Variants in SPATS2L observed in about 807,000 individuals in gnomAD.
SPATS2L encodes the protein SPATS2-like protein.
SPATS2L carries 30 observed loss-of-function variants against 59.6 expected under a neutral mutation model. That is an observed-to-expected ratio of 0.50 (90% CI 0.38 to 0.68). The LOEUF (loss-of-function observed/expected upper bound fraction) is 0.68, where lower values mean the gene tolerates loss of function less well. Among genes scored for constraint, SPATS2L ranks in the 30% least tolerant of loss-of-function variants. SPATS2L has a pLI of 0.00. For missense variants in SPATS2L, 615 were observed against 700.0 expected (o/e 0.88, Z 1.37); for synonymous variants, 252 against 263.5 (o/e 0.96, Z 0.42).
rs142412771 is a variant in SPATS2L, at chr2:200,377,422, A to G, written c.-22-11801A>G. Among the ~76,000 whole-genome samples, 536 of 152,358 alleles carry G rather than the reference A, an allele frequency of 3.5e-3. 1 individual carries two copies. The highest frequency in any genetic ancestry group is 0.024 in the Middle Eastern group (7 of 294). The stretch of plus-strand genomic sequence containing the variant: ...CTGGTGGTAGCAGCTTTCTAGGCCA[A>G]CTGCTTGTGTGTGGTCAGCTAGATG... On this transcript the variant is annotated intron_variant, in intron 2 of 12. Transcript: ENST00000409140.
At chr2:200,420,908 A>G (rs1425792857) in intron 6 of SPATS2L, among the ~76,000 whole-genome samples, 3 of 152,036 alleles carry the variant, frequency 2.0e-5, no homozygotes, top group African/African-American at 7.2e-5. Flanking sequence ...CACACACACA[A>G]TCATTTTGCT....
chr2:200,387,879 C>G (rs1045445337), intron 2 of SPATS2L, among the ~76,000 whole-genome samples: 1 of 152,108 alleles, frequency 6.6e-6, no homozygotes, highest in South Asian at 2.1e-4. Flanking sequence ...CTATTAAAGT[C>G]TTAAGATCTG....
chr2:200,468,524 C>T (rs950422440), intron 10 of SPATS2L, among the ~76,000 whole-genome samples: 1 of 152,206 alleles, frequency 6.6e-6, no homozygotes, highest in African/African-American at 2.4e-5. Flanking sequence ...AACTCCCTCC[C>T]TCCTGGTTGG....
chr2:200,444,884 C>CT (rs201145724), intron 8 of SPATS2L, among the ~76,000 whole-genome samples: 2,527 of 151,188 alleles, frequency 0.017, 67 homozygotes, highest in African/African-American at 0.058. Context: ...TCCCTTTTCT[C>CT]TTTTTTTTTA....
At chr2:200,347,707 G>A (rs1307898754) in intron 2 of SPATS2L, among the ~76,000 whole-genome samples, 2 of 152,142 alleles carry the variant, frequency 1.3e-5, no homozygotes, top group African/African-American at 2.4e-5. Context: ...GATACTGAAT[G>A]ATCATACTAC....
At chr2:200,373,879 A>G (rs570403193) in intron 2 of SPATS2L, among the ~76,000 whole-genome samples, 62 of 152,348 alleles carry the variant, frequency 4.1e-4, no homozygotes, top group African/African-American at 1.4e-3. Context: ...GAGAAAATGC[A>G]TAAGGTCTAG....
chr2:200,401,778 A>G (rs1359558039), intron 3 of SPATS2L, among the ~76,000 whole-genome samples: 1 of 152,148 alleles, frequency 6.6e-6, no homozygotes, highest in Non-Finnish European at 1.5e-5. Context: ...TGTTTTGAAA[A>G]TTCACCAAGT....
chr2:200,359,203 T>C (rs1174787741), intron 2 of SPATS2L, among the ~76,000 whole-genome samples: 1 of 152,176 alleles, frequency 6.6e-6, no homozygotes, highest in African/African-American at 2.4e-5. Context: ...TCTTTCTTCC[T>C]CCATATTTTA....
intron 2 of SPATS2L, among the ~76,000 whole-genome samples, chr2:200,334,739 A>G (rs893378243): frequency 6.6e-6 from 1 of 152,100 alleles, no homozygotes; most frequent in Non-Finnish European, 1.5e-5. Flanking sequence ...ATGGCTAGCC[A>G]GTTTTCCCAG....
chr2:200,432,684 AC>A (rs1395939323), intron 6 of SPATS2L, among the ~76,000 whole-genome samples: 1 of 152,242 alleles, frequency 6.6e-6, no homozygotes, highest in Non-Finnish European at 1.5e-5. Context: ...AGACCCATTA[AC>A]AACACAGAAG....
At chr2:200,372,156 C>T (rs746965374) in intron 2 of SPATS2L, 2 of 985,446 alleles carry the variant, frequency 2.0e-6, no homozygotes, top group Non-Finnish European at 2.4e-6. Context: ...CTCTAGTTGC[C>T]TCATGGGAAA....
chr2:200,372,844 T>A (rs1477525189), intron 2 of SPATS2L, among the ~76,000 whole-genome samples: 1 of 152,096 alleles, frequency 6.6e-6, no homozygotes, highest in Non-Finnish European at 1.5e-5. Flanking sequence ...TGCAGATACA[T>A]TGTGAGGTCT....
At chr2:200,306,632 T>C (rs12618057), upstream of SPATS2L, 420,135 of 955,806 alleles carry the variant, frequency 0.44, 91,338 homozygotes, top group East Asian at 0.74. Context: ...GGCGGGCGGG[T>C]CGGCGGGCGG....
intron 3 of SPATS2L, among the ~76,000 whole-genome samples, chr2:200,395,975 C>T (rs1257512443): frequency 7.9e-6 from 1 of 125,996 alleles, no homozygotes; most frequent in East Asian, 2.6e-4. Context: ...CATGCTACTT[C>T]ACTCCAGCCT....
intron 2 of SPATS2L, among the ~76,000 whole-genome samples, chr2:200,369,349 G>T (rs571745563): frequency 2.5e-4 from 38 of 152,202 alleles, no homozygotes; most frequent in Non-Finnish European, 4.7e-4. Context: ...AGTAGAAACA[G>T]GGTTTCATCA....
At chr2:200,321,553 T>G (rs1399566822) in intron 1 of SPATS2L, among the ~76,000 whole-genome samples, 1 of 152,248 alleles carries the variant, frequency 6.6e-6, no homozygotes. Context: ...AAATATTATT[T>G]GAAAAATATT....
Position 200,334,434 on chromosome 2 carries a change from G to A in SPATS2L, c.-23+4954G>A, listed in dbSNP as rs1483229280. ...GCCCTTTGTCAGATGAGTAGGTTGC[G>A]AAAATTTTCTCCCATTCTGTAGGTT... On this transcript the variant is annotated intron_variant, in intron 2 of 12. Coordinates refer to ENST00000409140, the MANE Select transcript of SPATS2L (RefSeq NM_001100423.2). Among the ~76,000 whole-genome samples the A allele has an allele frequency of 5.9e-5, 9 of 151,984 alleles. No individual in the cohort carries two copies. In the East Asian group the frequency reaches 7.7e-4, roughly 13 times the overall value.
chr2:200,424,874 A>C (rs987111168), intron 6 of SPATS2L, among the ~76,000 whole-genome samples: 2 of 152,120 alleles, frequency 1.3e-5, no homozygotes, highest in Non-Finnish European at 2.9e-5. Flanking sequence ...CGTGTAAAGC[A>C]TCCTGGGAAA....
At chr2:200,361,073 C>A in intron 2 of SPATS2L, among the ~76,000 whole-genome samples, 1 of 113,122 alleles carries the variant, frequency 8.8e-6, no homozygotes, top group South Asian at 3.4e-4. Context: ...CACTATTCCC[C>A]ACCCCACCCC....
Sources: gnomAD v4.1 joint callset for allele counts (sites outside exome capture counted in the v4.1 genomes callset) on GRCh38, gnomAD v4.1.1 for gene constraint, MANE v1.5 for transcripts, NCBI Gene and HGNC (gene_info 2026-07-23, HGNC 2026-07-21) for gene names.